Variants in ZDHHC5 observed in about 807,000 individuals in gnomAD.
ZDHHC5 encodes the protein palmitoyltransferase ZDHHC5.
Under a neutral mutation model 70.0 loss-of-function variants are expected in ZDHHC5, and 22 were observed. That is an observed-to-expected ratio of 0.31 (90% CI 0.22 to 0.45). The LOEUF (loss-of-function observed/expected upper bound fraction) is 0.45. ZDHHC5 is among the 20% of genes least tolerant of loss of function. The pLI, the probability that ZDHHC5 is intolerant of heterozygous loss-of-function variation, is 1.00. For synonymous variants in ZDHHC5, 313 were observed against 347.8 expected (o/e 0.90, Z 1.11); for missense variants, 746 against 926.9 (o/e 0.80, Z 2.53).
At chr11:57,697,604 C>T (rs1433480660) in intron 10 of ZDHHC5, among the ~76,000 whole-genome samples, 7 of 144,788 alleles carry the variant, frequency 4.8e-5, no homozygotes, top group African/African-American at 1.8e-4. Flanking sequence ...GATTGCGCCA[C>T]TGCACTCCAG....
chr11:57,699,937 C>A lies in ZDHHC5; in HGVS notation c.2054C>A (p.Pro685His), dbSNP rs1167449742. 2.5e-6 allele frequency: 4 copies of A among 1,614,254 alleles called. No individual in the cohort carries two copies. The highest frequency in any genetic ancestry group is 2.5e-6 in the Non-Finnish European group (3 of 1,180,038). ...CCCAAGAGCTTAGGCTCAGCCTCCC[C>A]TGGCCCAGGCCAGCCACCTCTCAGT... ...GQPKSLGSAS[P>H]GPGQPPLSSP... The change falls in exon 12 of 12, where the codon CCT (proline) becomes CAT (histidine). Residue 685 changes from proline (P) to histidine (H), a missense_variant. Coordinates refer to ENST00000287169, the MANE Select transcript of ZDHHC5 (RefSeq NM_015457.3).
chr11:57,698,796 ACCTCCTATAAGAG>A lies in ZDHHC5; in HGVS notation c.1364_1376del (p.Ser455TrpfsTer37). The A allele has an allele frequency of 6.2e-7, 1 of 1,614,044 alleles. No homozygotes were observed. On this transcript the variant is annotated frameshift_variant, in exon 11 of 12. Transcript: ENST00000287169. LOFTEE classifies it high-confidence loss of function. ...CATTCGTTCAGAGGGCACCACCTCC[ACCTCCTATAAGAG>A]CCTGGCCAACCAGACACGCAATGGA...
At chr11:57,680,693 C>G (rs2135385556) in intron 2 of ZDHHC5, among the ~76,000 whole-genome samples, 1 of 152,324 alleles carries the variant, frequency 6.6e-6, no homozygotes, top group African/African-American at 2.4e-5. Flanking sequence ...GGGAGGGGCT[C>G]TGACCTGGAT....
chr11:57,697,405 G>A (rs1946366761), intron 10 of ZDHHC5, among the ~76,000 whole-genome samples: 1 of 152,112 alleles, frequency 6.6e-6, no homozygotes, highest in South Asian at 2.1e-4. Flanking sequence ...GGAGCTTGCA[G>A]TTAGCCGAGA....
At chr11:57,699,834 C>G in intron 11 of ZDHHC5, 32 bp from the exon 12 acceptor site, 1 of 1,613,914 alleles carries the variant, frequency 6.2e-7, no homozygotes, top group South Asian at 1.1e-5. Flanking sequence ...TGTCCCATTT[C>G]CTGACACCTA....
intron 3 of ZDHHC5, 52 bp downstream of exon 3, chr11:57,682,595 T>G (rs1946162750): frequency 6.3e-7 from 1 of 1,593,970 alleles, no homozygotes. Flanking sequence ...TGAAAAATAA[T>G]GAGTTGGCCA....
At chr11:57,698,174 A>G (rs967734758) in intron 10 of ZDHHC5, among the ~76,000 whole-genome samples, 17 of 150,452 alleles carry the variant, frequency 1.1e-4, no homozygotes, top group African/African-American at 4.0e-4. Context: ...GTTACGGGAA[A>G]AAAAGAAGAT....
chr11:57,699,562 C>T (rs1009980930), intron 11 of ZDHHC5, 144 bp downstream of exon 11: 6 of 1,275,824 alleles, frequency 4.7e-6, no homozygotes, highest in African/African-American at 3.0e-5. Flanking sequence ...TTTGACTCTA[C>T]CTGCCTTCAT....
chr11:57,669,867 CTT>C (rs1422718617), intron 1 of ZDHHC5, among the ~76,000 whole-genome samples: 1 of 152,196 alleles, frequency 6.6e-6, no homozygotes, highest in Non-Finnish European at 1.5e-5. Context: ...GCAGCACATT[CTT>C]TTGCTAAGAA....
intron 3 of ZDHHC5, among the ~76,000 whole-genome samples, chr11:57,686,668 T>C (rs1946211463): frequency 6.6e-6 from 1 of 152,176 alleles, no homozygotes; most frequent in South Asian, 2.1e-4. Context: ...ACATTCATTA[T>C]GTACGAAGTA....
At chr11:57,698,118 A>AAC (rs113494839) in intron 10 of ZDHHC5, among the ~76,000 whole-genome samples, 5,237 of 110,332 alleles carry the variant, frequency 0.047, 105 homozygotes, top group Middle Eastern at 0.052. Flanking sequence ...CTGGGCTTAA[A>AAC]ACACACACAC....
chr11:57,692,748 T>G (rs544508852), intron 7 of ZDHHC5, 46 bp downstream of exon 7: 1 of 1,602,086 alleles, frequency 6.2e-7, no homozygotes, highest in Non-Finnish European at 8.5e-7. Flanking sequence ...GTCAGAACTT[T>G]TATCTTCTTT....
intron 2 of ZDHHC5, 94 bp from the exon 3 acceptor site, chr11:57,682,328 T>C: frequency 1.4e-6 from 2 of 1,452,510 alleles, no homozygotes; most frequent in Non-Finnish European, 1.8e-6. Flanking sequence ...GATTTATCTA[T>C]AGGTAAGGGG....
Position 57,698,416 on chromosome 11 carries a change from G to T in ZDHHC5, c.1123-143G>T. Reference sequence around the variant, plus strand: ...TATTTGCCTGAATTCAGTTTTTCTTGAGGGATTAACCCAGATAATGCATGT... The same window carrying T: ...TATTTGCCTGAATTCAGTTTTTCTTTAGGGATTAACCCAGATAATGCATGT... On this transcript the variant is annotated intron_variant, in intron 10 of 11. Transcript: ENST00000287169. The T allele has an allele frequency of 8.5e-7, 1 of 1,180,876 alleles. No homozygotes were observed. The allele number at this position is 1,180,876 out of a possible 1,614,324, so 73.1% of individuals were successfully genotyped here. A position where few individuals can be genotyped will look rare whatever the true frequency, so the allele number is the denominator to read the frequency against.
chr11:57,679,849 G>A (rs1322589508), intron 2 of ZDHHC5, among the ~76,000 whole-genome samples: 1 of 152,056 alleles, frequency 6.6e-6, no homozygotes, highest in Non-Finnish European at 1.5e-5. Context: ...CCCTTATAGT[G>A]CTGATTGGAA....
At chr11:57,691,228 C>T (rs1236066753) in intron 6 of ZDHHC5, among the ~76,000 whole-genome samples, 4 of 152,106 alleles carry the variant, frequency 2.6e-5, no homozygotes, top group African/African-American at 9.7e-5. Flanking sequence ...TGCATCACCA[C>T]GCCCAACTAA....
At chr11:57,682,367 G>A in intron 2 of ZDHHC5, 55 bp from the exon 3 acceptor site, 1 of 1,559,764 alleles carries the variant, frequency 6.4e-7, no homozygotes, top group Non-Finnish European at 8.7e-7. Flanking sequence ...TTGTATGTAT[G>A]GTTCGTGTCC....
At chr11:57,685,597 C>T (rs567900047) in intron 3 of ZDHHC5, among the ~76,000 whole-genome samples, 57 of 149,856 alleles carry the variant, frequency 3.8e-4, no homozygotes, top group Middle Eastern at 7.4e-3. Context: ...TGTGATGAGC[C>T]GAGATTGCCC....
intron 2 of ZDHHC5, among the ~76,000 whole-genome samples, chr11:57,678,964 T>C (rs1946110263): frequency 6.6e-6 from 1 of 152,194 alleles, no homozygotes; most frequent in Non-Finnish European, 1.5e-5. Flanking sequence ...GTGGATTACC[T>C]AAGGCCTTGC....
Sources: allele counts gnomAD v4.1 joint callset (sites outside exome capture counted in the v4.1 genomes callset), GRCh38; gene constraint gnomAD v4.1.1; transcripts MANE v1.5; gene names NCBI Gene and HGNC (gene_info 2026-07-23, HGNC 2026-07-21).